NEB: variants seen among roughly 807,000 people sequenced by gnomAD.
NEB encodes the protein nebulin.
A neutral mutation model predicts 952.2 loss-of-function variants in NEB; 512 were observed. The observed-to-expected ratio is 0.54, with a 90% CI of 0.50 to 0.58. The LOEUF is 0.58. NEB is among the 20% of genes least tolerant of loss of function. The pLI is 0.00. For missense variants in NEB, 8,428 were observed against 9,231.1 expected (o/e 0.91, Z 3.56); for synonymous variants, 2,900 against 3,149.8 (o/e 0.92, Z 2.66).
At position 151,666,780 on chromosome 2, in the gene NEB, T is replaced by C. The variant is rs1199460449; in HGVS notation, c.4720-379A>G. The stretch of plus-strand genomic sequence containing the variant: ...AGGCTAGAGTGCAATGGTGCAGTCA[T>C]GACTCCCTGCAGCCTCTGGGGCCCT... On this transcript the variant is annotated intron_variant, in intron 40 of 181. Transcript: ENST00000397345. Among the ~76,000 whole-genome samples, 4 of 152,210 alleles carry C rather than the reference T, an allele frequency of 2.6e-5. No homozygotes were observed. In the South Asian group the frequency reaches 6.2e-4, roughly 24 times the overall value.
chr2:151,728,032 G>C (rs931915911), intron 4 of NEB, 126 bp from the exon 5 acceptor site: 1 of 723,742 alleles, frequency 1.4e-6, no homozygotes, highest in South Asian at 1.9e-5. Flanking sequence ...CATATCTAAA[G>C]TAAGCCAAAG....
At chr2:151,579,091 A>C (rs1472723620) in intron 105 of NEB, among the ~76,000 whole-genome samples, 2 of 150,496 alleles carry the variant, frequency 1.3e-5, no homozygotes, top group African/African-American at 4.9e-5. Context: ...AAAAAAAAAA[A>C]AAAAAAAAAA....
Position 151,493,462 on chromosome 2 carries a change from A to C in NEB, c.24673-17T>G. The C allele has an allele frequency of 2.6e-6, 4 of 1,524,190 alleles. No individual in the cohort carries two copies. Among genetic ancestry groups the C allele is most frequent in the Non-Finnish European group, 3.6e-6 (4 of 1,121,132 alleles). 94.4% of individuals were successfully genotyped at this position (1,524,190 alleles called of 1,614,324 possible). A position where few individuals can be genotyped will look rare whatever the true frequency, so the allele number is the denominator to read the frequency against. Reference sequence around the variant, plus strand: ...GTACAATACCTAGGGAAGCCAAAAGAGCATCTAGGCATCAGACAGCAGAAA... The same window carrying C: ...GTACAATACCTAGGGAAGCCAAAAGCGCATCTAGGCATCAGACAGCAGAAA... On this transcript the variant is annotated splice_polypyrimidine_tract_variant and intron_variant, in intron 175 of 181. Coordinates refer to ENST00000397345, the MANE Select transcript of NEB (RefSeq NM_001164508.2).
At chr2:151,680,422 A>G (rs1341628782) in intron 30 of NEB, among the ~76,000 whole-genome samples, 1 of 151,032 alleles carries the variant, frequency 6.6e-6, no homozygotes, top group African/African-American at 2.4e-5. Context: ...CCCATTTGAT[A>G]TACTCATTCT....
At chr2:151,675,446 C>T in intron 34 of NEB, 55 bp from the exon 35 acceptor site, 2 of 1,199,910 alleles carry the variant, frequency 1.7e-6, no homozygotes, top group Admixed American at 2.3e-5. Flanking sequence ...TAATTGTTTG[C>T]TTTAAAGAGT....
At chr2:151,575,601 G>T in intron 107 of NEB, 94 bp downstream of exon 107, 1 of 899,650 alleles carries the variant, frequency 1.1e-6, no homozygotes. Flanking sequence ...CGGGAAGTCA[G>T]GGACCGAGTC....
Position 151,553,880 on chromosome 2 carries a change from G to C in NEB, c.19574C>G (p.Pro6525Arg). 2 of 1,613,822 alleles carry C rather than the reference G, an allele frequency of 1.2e-6. No homozygotes were observed. Among genetic ancestry groups the C allele is most frequent in the Non-Finnish European group, 1.7e-6 (2 of 1,179,768 alleles). ...GACGTGATCATTGACTTGCAAGTCG[G>C]GGTGGCAAATCCATTCGTGGAGGCG... The part of the protein sequence containing the change: ...RLRLHEWICH[P>R]DLQVNDHVRK... The change falls in exon 126 of 182, where the codon CCC becomes CGC. Residue 6525 changes from proline to arginine, a missense_variant. Coordinates refer to ENST00000397345, the MANE Select transcript of NEB (RefSeq NM_001164508.2).
chr2:151,537,255 C>G lies in NEB; in HGVS notation c.21103-19G>C. 6.7e-7 allele frequency: 1 copy of G among 1,497,926 alleles called. No homozygotes were observed. Among genetic ancestry groups the G allele is most frequent in the African/African-American group, 1.4e-5 (1 of 72,540 alleles). The allele number at this position is 1,497,926 out of a possible 1,614,324, so 92.8% of individuals were successfully genotyped here. ...ATTTTACCTGGGAGAAGAAGAACATCAAAGAGTTCTAAGAAGCCATCTCCA... is the reference window on the plus strand; with the variant it reads ...ATTTTACCTGGGAGAAGAAGAACATGAAAGAGTTCTAAGAAGCCATCTCCA... On this transcript the variant is annotated intron_variant, in intron 140 of 181. Coordinates refer to ENST00000397345, the MANE Select transcript of NEB (RefSeq NM_001164508.2).
In NEB at chr2:151,710,629, A is replaced by T. The variant is rs181475349; in HGVS notation, c.823-91T>A. ...AAGAAATAATGATTAACTTTTAAAA[A>T]TATCTTCAGCAAGCCATTCTTAGGT... On this transcript the variant is annotated intron_variant, in intron 10 of 181. Transcript: ENST00000397345. The T allele has an allele frequency of 4.1e-4, 319 of 782,364 alleles. No individual in the cohort carries two copies. In the East Asian group the frequency reaches 8.7e-3, roughly 21 times the overall value. The allele number at this position is 782,364 out of a possible 1,614,324, so 48.5% of individuals were successfully genotyped here.
intron 12 of NEB, among the ~76,000 whole-genome samples, chr2:151,709,169 G>A (rs2099736290): frequency 6.6e-6 from 1 of 152,168 alleles, no homozygotes; most frequent in Admixed American, 6.5e-5. Flanking sequence ...TTTTTTCATA[G>A]TCAGTGGGAA....
chr2:151,568,285 C>T, intron 112 of NEB, 31 bp downstream of exon 112: 1 of 1,605,846 alleles, frequency 6.2e-7, no homozygotes, highest in Non-Finnish European at 8.5e-7. Context: ...CACTCGTACA[C>T]AAACACCAGG....
Position 151,501,414 on chromosome 2 carries a change from G to T in NEB, c.23998C>A (p.Leu8000Ile). The T allele has an allele frequency of 6.5e-7, 1 of 1,549,420 alleles. No individual in the cohort carries two copies. The highest frequency in any genetic ancestry group is 8.7e-7 in the Non-Finnish European group (1 of 1,145,490). Reference protein sequence around the residue: ...PVTPEMERVKLNQENFSSVLY... With the variant: ...PVTPEMERVKINQENFSSVLY... ...ACCGAGCTAAAGTTTTCTTGATTGA[G>T]TTTGACTCGCTCCATCTCAGGAGTG... is the stretch of plus-strand genomic sequence containing the variant. The change falls in exon 168 of 182, where the codon CTC (leucine) becomes ATC (isoleucine). Residue 8000 changes from leucine to isoleucine, a missense_variant. By Grantham distance (5) the Leu-to-Ile change is conservative. Around this residue, in one of 11 missense-constraint regions of NEB, gnomAD observed 3,374 missense variants for 3,651.5 expected, o/e 0.92. Coordinates refer to ENST00000397345, the MANE Select transcript of NEB (RefSeq NM_001164508.2).
chr2:151,614,377 C>T lies in NEB; in HGVS notation c.11500G>A (p.Val3834Ile). ...GGATGCTTGTAGTCTATGTCGCTTA[C>T]AAGGATCTGACACTTCTTGGCCAGC... Reference protein sequence around the residue: ...VVLAKKCQILVSDIDYKHPLH... With the variant: ...VVLAKKCQILISDIDYKHPLH... The change falls in exon 77 of 182, where the codon GTA (valine) becomes ATA (isoleucine). Residue 3834 changes from valine (V) to isoleucine (I), a missense_variant. Physicochemically the swap from Val to Ile is conservative, Grantham distance 29 (BLOSUM62 3). Around this residue, in one of 11 missense-constraint regions of NEB, gnomAD observed 1,772 missense variants for 1,960.3 expected, o/e 0.90. Coordinates refer to ENST00000397345, the MANE Select transcript of NEB (RefSeq NM_001164508.2). 1 of 1,613,898 alleles carries T rather than the reference C, an allele frequency of 6.2e-7. No individual in the cohort carries two copies. The highest frequency in any genetic ancestry group is 8.5e-7 in the Non-Finnish European group (1 of 1,179,840).
intron 110 of NEB, 23 bp from the exon 111 acceptor site, chr2:151,568,739 T>C (rs1365460535): frequency 2.0e-6 from 3 of 1,498,534 alleles, no homozygotes; most frequent in African/African-American, 1.4e-5. Context: ...AAGCATCTTT[T>C]AGATAGTTGT....
chr2:151,639,691 C>T (rs2098823636), intron 62 of NEB, among the ~76,000 whole-genome samples, 166 bp downstream of exon 62: 1 of 152,098 alleles, frequency 6.6e-6, no homozygotes, highest in Non-Finnish European at 1.5e-5. Flanking sequence ...TCAAAATATA[C>T]ATGATATATA....
chr2:151,718,586 T>A (rs1365924113), intron 9 of NEB, among the ~76,000 whole-genome samples: 2 of 152,110 alleles, frequency 1.3e-5, no homozygotes, highest in Non-Finnish European at 1.5e-5. Flanking sequence ...CATCCCTGCG[T>A]CTCCCACCCC....
Position 151,513,668 on chromosome 2 carries a change from A to G in NEB, c.23153T>C (p.Leu7718Pro), listed in dbSNP as rs868500208. The G allele has an allele frequency of 6.2e-7, 1 of 1,606,758 alleles. No homozygotes were observed. Among genetic ancestry groups the G allele is most frequent in the African/African-American group, 1.3e-5 (1 of 74,982 alleles). Residue 7718 changes from leucine to proline, a missense_variant, in exon 160 of 182, where the codon CTG (leucine) becomes CCG (proline). By Grantham distance (98) the Leu-to-Pro change is moderately conservative. Coordinates refer to ENST00000397345, the MANE Select transcript of NEB (RefSeq NM_001164508.2). ...NEKEYKRDLE[L>P]EVKGRGLNAM... is the part of the protein sequence containing the mutation. ...ATTCAGGCCTCTTCCTTTGACTTCC[A>G]GTTCCAGGTCTCGCTTATATTCTTT...
rs1295092412 is a variant in NEB, at chr2:151,512,706, G to C, written c.23346+27C>G. ...CCATTCTTTCATGATTGGGGTTTAT[G>C]AGTGATGGCATGACGAATGTCCTTA... On this transcript the variant is annotated intron_variant, in intron 161 of 181. Coordinates refer to ENST00000397345, the MANE Select transcript of NEB (RefSeq NM_001164508.2). 2.0e-6 allele frequency: 3 copies of C among 1,479,588 alleles called. No homozygotes were observed. The East Asian group carries it at 6.8e-5, about 33-fold the overall frequency. The allele number at this position is 1,479,588 out of a possible 1,614,324, so 91.7% of individuals were successfully genotyped here. A position where few individuals can be genotyped will look rare whatever the true frequency, so the allele number is the denominator to read the frequency against.
chr2:151,576,474 T>A, intron 105 of NEB, 120 bp from the exon 106 acceptor site: 1 of 154,028 alleles, frequency 6.5e-6, no homozygotes. Context: ...AAAATATATA[T>A]AACATAAATA....
Sources: gnomAD v4.1 joint callset for allele counts (sites outside exome capture counted in the v4.1 genomes callset) on GRCh38, gnomAD v4.1.1 for gene constraint, gnomAD v4.1.1 regional missense constraint, MANE v1.5 for transcripts, NCBI Gene and HGNC (gene_info 2026-07-23, HGNC 2026-07-21) for gene names.